The following LUZP2 variants were observed in gnomAD, a reference collection of about 807,000 sequenced individuals.
LUZP2 encodes leucine zipper protein 2.
LUZP2 carries 52 observed loss-of-function variants against 51.6 expected under a neutral mutation model. That is an observed-to-expected ratio of 1.01 (90% CI 0.81 to 1.27). LUZP2 has a LOEUF of 1.27. LUZP2 is among the 50% of genes most tolerant of loss of function. LUZP2 has a pLI of 0.00. For missense variants in LUZP2, 436 were observed against 395.4 expected (o/e 1.10, Z -0.87); for synonymous variants, 154 against 137.3 (o/e 1.12, Z -0.85).
At chr11:24,551,778 AT>A (rs767518549) in intron 1 of LUZP2, among the ~76,000 whole-genome samples, 1 of 152,042 alleles carries the variant, frequency 6.6e-6, no homozygotes, top group African/African-American at 2.4e-5. Context: ...AAAATAGGCT[AT>A]TTTTTAAAAT....
intron 9 of LUZP2, among the ~76,000 whole-genome samples, chr11:25,027,348 T>A (rs1857521097): frequency 6.6e-6 from 1 of 152,156 alleles, no homozygotes; most frequent in Admixed American, 6.6e-5. Context: ...ATTCTCCTCT[T>A]GATTAATAAT....
chr11:24,782,000 T>C (rs958714482), intron 5 of LUZP2, among the ~76,000 whole-genome samples: 1 of 151,990 alleles, frequency 6.6e-6, no homozygotes, highest in Non-Finnish European at 1.5e-5. Flanking sequence ...TCTAAGTAAG[T>C]GCTTGTCAAA....
At chr11:24,571,249 G>C (rs957772652) in intron 1 of LUZP2, among the ~76,000 whole-genome samples, 2 of 59,984 alleles carry the variant, frequency 3.3e-5, no homozygotes, top group Non-Finnish European at 7.0e-5. Context: ...GAACGTTCCA[G>C]CTCTAAGAGG....
chr11:24,595,410 G>A (rs116185697), intron 1 of LUZP2, among the ~76,000 whole-genome samples: 1,684 of 152,172 alleles, frequency 0.011, 26 homozygotes, highest in African/African-American at 0.038. Flanking sequence ...CTAGGTTAGC[G>A]GTTTACATTA....
At chr11:24,934,120 C>T (rs564954797) in intron 7 of LUZP2, among the ~76,000 whole-genome samples, 1 of 152,198 alleles carries the variant, frequency 6.6e-6, no homozygotes, top group East Asian at 1.9e-4. Context: ...TAGGGTGGGG[C>T]AGGAACAAAT....
chr11:25,049,397 AC>A (rs1858420844), intron 9 of LUZP2, among the ~76,000 whole-genome samples: 1 of 152,202 alleles, frequency 6.6e-6, no homozygotes, highest in East Asian at 1.9e-4. Context: ...GTATTTCTAT[AC>A]AACAATTAGG....
intron 7 of LUZP2, among the ~76,000 whole-genome samples, chr11:24,954,882 G>C (rs1015688979): frequency 6.6e-6 from 1 of 152,014 alleles, no homozygotes; most frequent in African/African-American, 2.4e-5. Flanking sequence ...GTGGGAATTA[G>C]CATTTCAACT....
At chr11:24,566,602 ATATG>A (rs1210341501) in intron 1 of LUZP2, among the ~76,000 whole-genome samples, 2 of 122,442 alleles carry the variant, frequency 1.6e-5, no homozygotes, top group African/African-American at 3.4e-5. Context: ...GTGTATATAT[ATATG>A]TATGTATGTA....
chr11:24,655,812 T>C (rs562523117), intron 1 of LUZP2, among the ~76,000 whole-genome samples: 1 of 152,314 alleles, frequency 6.6e-6, no homozygotes, highest in African/African-American at 2.4e-5. Flanking sequence ...TTCTTACCAA[T>C]CTCTGGGATA....
At chr11:24,551,041 A>C (rs1425740353) in intron 1 of LUZP2, among the ~76,000 whole-genome samples, 1 of 152,132 alleles carries the variant, frequency 6.6e-6, no homozygotes, top group Non-Finnish European at 1.5e-5. Context: ...AATAAAATTT[A>C]TACATTTAGA....
intron 1 of LUZP2, among the ~76,000 whole-genome samples, chr11:24,590,315 C>A (rs554101266): frequency 6.6e-6 from 1 of 152,060 alleles, no homozygotes; most frequent in South Asian, 2.1e-4. Context: ...TACATATTTA[C>A]GGAGTACAAT....
At chr11:24,992,446 T>A (rs1856377856) in intron 9 of LUZP2, among the ~76,000 whole-genome samples, 1 of 152,238 alleles carries the variant, frequency 6.6e-6, no homozygotes, top group Admixed American at 6.6e-5. Context: ...TGGTATTGGC[T>A]GCTGGCTGTT....
intron 1 of LUZP2, among the ~76,000 whole-genome samples, chr11:24,655,654 C>CATCTGAAAAGAAAACAAATGCGTG (rs1293326205): frequency 6.6e-6 from 1 of 152,136 alleles, no homozygotes; most frequent in Non-Finnish European, 1.5e-5. Flanking sequence ...TTACACAGGA[C>CATCTGAAAAGAAAACAAATGCGTG]ATCTGAAAAG....
intron 5 of LUZP2, among the ~76,000 whole-genome samples, chr11:24,857,210 C>T (rs1244856980): frequency 1.3e-5 from 2 of 150,266 alleles, no homozygotes; most frequent in African/African-American, 4.9e-5. Flanking sequence ...TTTCATATTC[C>T]TTAATTGTTT....
chr11:24,931,695 G>T (rs1854456208), intron 7 of LUZP2, among the ~76,000 whole-genome samples: 1 of 152,118 alleles, frequency 6.6e-6, no homozygotes, highest in African/African-American at 2.4e-5. Flanking sequence ...GTACTTCCTT[G>T]AGTAGCTTAA....
chr11:24,884,471 T>C (rs537481469), intron 5 of LUZP2, among the ~76,000 whole-genome samples: 1 of 152,154 alleles, frequency 6.6e-6, no homozygotes, highest in South Asian at 2.1e-4. Context: ...TCATTTTTTC[T>C]CCCTATAAAA....
At chr11:24,624,565 G>T (rs920741557) in intron 1 of LUZP2, among the ~76,000 whole-genome samples, 3 of 152,146 alleles carry the variant, frequency 2.0e-5, no homozygotes, top group Non-Finnish European at 4.4e-5. Flanking sequence ...AATGAGGAAG[G>T]ATAGGGAGAT....
chr11:24,597,381 T>C (rs973249754), intron 1 of LUZP2, among the ~76,000 whole-genome samples: 5 of 152,206 alleles, frequency 3.3e-5, no homozygotes, highest in African/African-American at 1.2e-4. Context: ...CCATATGGGA[T>C]AAAACACACT....
chr11:24,791,734 CAGA>C lies in LUZP2; in HGVS notation c.396+28429_396+28431del, dbSNP rs1849415655. ...TTACCAGTTATTTTCTTTTATAGGA[CAGA>C]AGGAGATTATTTAAGAAGCAACATT... On this transcript the variant is annotated intron_variant, in intron 5 of 11. Coordinates refer to ENST00000336930, the MANE Select transcript of LUZP2 (RefSeq NM_001009909.4). 2.0e-5 allele frequency among the ~76,000 whole-genome samples: 3 copies of C among 152,106 alleles called. No homozygotes were observed. In the South Asian group the frequency reaches 6.2e-4, roughly 32 times the overall value.
Sources: allele counts gnomAD v4.1 joint callset (sites outside exome capture counted in the v4.1 genomes callset), GRCh38; gene constraint gnomAD v4.1.1; transcripts MANE v1.5; gene names NCBI Gene and HGNC (gene_info 2026-07-23, HGNC 2026-07-21).